Variants in NEK9 observed in about 807,000 individuals in gnomAD.
NEK9 encodes serine/threonine-protein kinase Nek9.
In NEK9, 75 loss-of-function variants were observed where a neutral mutation model predicts 123.4. The observed-to-expected ratio is 0.61, with a 90% confidence interval of 0.50 to 0.74. The LOEUF (loss-of-function observed/expected upper bound fraction) is 0.74. Among genes scored for constraint, NEK9 ranks in the 30% least tolerant of loss-of-function variants. The probability of loss-of-function intolerance (pLI) is 0.00; values close to 1 mark genes in which losing one functional copy is unlikely to be tolerated. For missense variants in NEK9, 952 were observed against 1,214.4 expected (o/e 0.78, Z 3.21); for synonymous variants, 438 against 458.7 (o/e 0.95, Z 0.58).
At chr14:75,112,107 A>T (rs762735494) in intron 8 of NEK9, among the ~76,000 whole-genome samples, 22 of 152,204 alleles carry the variant, frequency 1.4e-4, no homozygotes, top group Non-Finnish European at 2.2e-4. Context: ...GAAGAACCAG[A>T]AAAGATTAAT....
rs1422529227 is a variant in NEK9, at chr14:75,101,666, C to T, written c.1831G>A (p.Ala611Thr). 4 of 1,609,174 alleles carry T rather than the reference C, an allele frequency of 2.5e-6. No individual in the cohort carries two copies. In the East Asian group the frequency reaches 8.9e-5, roughly 36 times the overall value. Residue 611 changes from alanine (A) to threonine (T), a missense_variant, in exon 15 of 22, where the codon GCT becomes ACT. This residue lies in a region of NEK9 where 698 missense variants were observed against 875.6 expected (regional missense o/e 0.80). Coordinates refer to ENST00000238616, the MANE Select transcript of NEK9 (RefSeq NM_033116.6). ...TTGTAAATCAACTTACCATCAATAG[C>T]AGCTGTGTGAGTCTTGCCTGGGGCA... Reference protein sequence around the residue: ...TIAPGKTHTAAIDERGRLLTF... With the variant: ...TIAPGKTHTATIDERGRLLTF...
At position 75,113,418 on chromosome 14, in the gene NEK9, T is replaced by C. The variant is rs758288208; in HGVS notation, c.874-15A>G. The C allele has an allele frequency of 6.2e-6, 10 of 1,603,656 alleles. No individual in the cohort carries two copies. Among genetic ancestry groups the C allele is most frequent in the Non-Finnish European group, 8.5e-6 (10 of 1,171,686 alleles). Reference sequence around the variant, plus strand: ...TGCTCAGGATCCTAAAAAGTAAAAATAGGGTTAGTTTTCACTTAATGGAAA... The same window carrying C: ...TGCTCAGGATCCTAAAAAGTAAAAACAGGGTTAGTTTTCACTTAATGGAAA... On this transcript the variant is annotated splice_polypyrimidine_tract_variant and intron_variant, in intron 7 of 21. Coordinates refer to ENST00000238616, the MANE Select transcript of NEK9 (RefSeq NM_033116.6).
At chr14:75,104,154 G>A (rs1405066672) in intron 13 of NEK9, among the ~76,000 whole-genome samples, 157 bp from the exon 14 acceptor site, 2 of 148,958 alleles carry the variant, frequency 1.3e-5, no homozygotes, top group African/African-American at 2.4e-5. Context: ...CAGTGTCTTA[G>A]AGACTACTTT....
chr14:75,106,878 T>C (rs1423202174), intron 11 of NEK9, among the ~76,000 whole-genome samples, 176 bp from the exon 12 acceptor site: 2 of 152,230 alleles, frequency 1.3e-5, no homozygotes, highest in Admixed American at 1.3e-4. Flanking sequence ...CAGAGAGTCA[T>C]GTGTACTACT....
intron 6 of NEK9, 78 bp downstream of exon 6, chr14:75,117,117 A>T (rs538289776): frequency 9.6e-6 from 14 of 1,465,672 alleles, no homozygotes; most frequent in Non-Finnish European, 1.3e-5. Flanking sequence ...GAAGCCTGGG[A>T]ATAGAGTTGA....
At chr14:75,090,088 C>T (rs1488312437) in intron 19 of NEK9, among the ~76,000 whole-genome samples, 1 of 152,080 alleles carries the variant, frequency 6.6e-6, no homozygotes, top group Non-Finnish European at 1.5e-5. Context: ...CCGCCTTGGC[C>T]TCCCAAAGAG....
At chr14:75,122,415 G>C (rs1895368066) in intron 2 of NEK9, among the ~76,000 whole-genome samples, 1 of 152,184 alleles carries the variant, frequency 6.6e-6, no homozygotes, top group Non-Finnish European at 1.5e-5. Flanking sequence ...TGTGCAATAA[G>C]ATGATTAACA....
intron 16 of NEK9, among the ~76,000 whole-genome samples, chr14:75,100,208 A>C (rs1229921388): frequency 1.5e-5 from 2 of 132,600 alleles, no homozygotes; most frequent in Non-Finnish European, 3.1e-5. Flanking sequence ...GCACTTTGGG[A>C]GGCCGAGGCA....
chr14:75,095,552 T>TA (rs1894355625), intron 17 of NEK9, 121 bp from the exon 18 acceptor site: 2 of 581,216 alleles, frequency 3.4e-6, no homozygotes, highest in East Asian at 2.7e-5. Context: ...AACTATAACT[T>TA]ACAGTTTTAG....
intron 18 of NEK9, among the ~76,000 whole-genome samples, chr14:75,094,048 CT>C (rs1275402413): frequency 1.3e-5 from 2 of 152,128 alleles, no homozygotes; most frequent in Non-Finnish European, 2.9e-5. Flanking sequence ...AAATACTGTT[CT>C]AGTAAAACAA....
rs768352494 is a variant in NEK9, at chr14:75,106,658, T to C, written c.1372A>G (p.Met458Val). The C allele has an allele frequency of 1.5e-5, 24 of 1,614,084 alleles. No homozygotes were observed. The highest frequency in any genetic ancestry group is 4.4e-5 in the South Asian group (4 of 91,088). ...GGGCCAGCAACTTTGTCCACCCCCA[T>C]GCAGCCATAATAATCTGATCCGAAG... ...YAFGSDYYGC[M>V]GVDKVAGPEV... Residue 458 changes from methionine (M) to valine (V), a missense_variant, in exon 12 of 22, where the codon ATG becomes GTG. By Grantham distance (21) the Met-to-Val change is conservative (BLOSUM62 1). Around this residue, in one of 4 missense-constraint regions of NEK9, gnomAD observed 698 missense variants for 875.6 expected, o/e 0.80. Transcript: ENST00000238616.
chr14:75,083,381 G>A lies in NEK9; in HGVS notation c.*1183C>T. On this transcript the variant is annotated 3_prime_UTR_variant, in exon 22 of 22. Coordinates refer to ENST00000238616, the MANE Select transcript of NEK9 (RefSeq NM_033116.6). ...GCTTGTTTCTATCTACAAAGACACA[G>A]TGAGTACAGGATTAGAAGTGAGCTC... 1.4e-5 allele frequency: 4 copies of A among 288,766 alleles called. No individual in the cohort carries two copies. Among genetic ancestry groups the A allele is most frequent in the East Asian group, 5.7e-5 (1 of 17,578 alleles). The allele number at this position is 288,766 out of a possible 1,614,324, so 17.9% of individuals were successfully genotyped here. A position where few individuals can be genotyped will look rare whatever the true frequency, so the allele number is the denominator to read the frequency against.
In NEK9 at chr14:75,126,834, G is replaced by C. The variant is rs1325879231; in HGVS notation, c.88C>G (p.Pro30Ala). 11 of 1,533,804 alleles carry C rather than the reference G, an allele frequency of 7.2e-6. No homozygotes were observed. Among genetic ancestry groups the C allele is most frequent in the Non-Finnish European group, 9.6e-6 (11 of 1,140,650 alleles). The change falls in exon 1 of 22, where the codon CCG becomes GCG. Residue 30 changes from proline (P) to alanine (A), a missense_variant. By Grantham distance (27) the Pro-to-Ala change is conservative. Transcript: ENST00000238616. ...SESGGCGDSSPGPSASQGPRA... is the reference protein window; with the variant it reads ...SESGGCGDSSAGPSASQGPRA... ...GGCCCCTGACTGGCGCTAGGCCCCG[G>C]ACTCGAGTCCCCGCAACCCCCGGAC...
At chr14:75,103,034 G>A (rs1359729192) in intron 14 of NEK9, among the ~76,000 whole-genome samples, 1 of 151,878 alleles carries the variant, frequency 6.6e-6, no homozygotes, top group Non-Finnish European at 1.5e-5. Flanking sequence ...CACACACCGG[G>A]GCCTGTCATA....
chr14:75,106,816 A>C, intron 11 of NEK9, 114 bp from the exon 12 acceptor site: 1 of 747,088 alleles, frequency 1.3e-6, no homozygotes, highest in Non-Finnish European at 2.2e-6. Flanking sequence ...ACATGAATTG[A>C]TTATATCCAA....
At chr14:75,093,307 A>C (rs1277921302) in intron 18 of NEK9, among the ~76,000 whole-genome samples, 1 of 152,166 alleles carries the variant, frequency 6.6e-6, no homozygotes, top group South Asian at 2.1e-4. Flanking sequence ...AGCATTACCT[A>C]TATCACTGTA....
chr14:75,101,251 T>C (rs1021321960), intron 15 of NEK9, 98 bp from the exon 16 acceptor site: 13 of 1,283,252 alleles, frequency 1.0e-5, no homozygotes, highest in Non-Finnish European at 1.4e-5. Context: ...TTCCGGTTGT[T>C]AGAATATACA....
At chr14:75,104,488 C>T (rs1594837104) in intron 13 of NEK9, among the ~76,000 whole-genome samples, 1 of 142,398 alleles carries the variant, frequency 7.0e-6, no homozygotes, top group South Asian at 2.2e-4. Context: ...TTCTTTTCTT[C>T]TTTTTTTTTT....
chr14:75,108,781 C>T (rs1323443184), intron 10 of NEK9, among the ~76,000 whole-genome samples: 2 of 152,096 alleles, frequency 1.3e-5, no homozygotes, highest in African/African-American at 2.4e-5. Context: ...TCTCAAACTC[C>T]TGGCCTCAAA....
Sources: allele counts gnomAD v4.1 joint callset (sites outside exome capture counted in the v4.1 genomes callset), GRCh38; gene constraint gnomAD v4.1.1; regional missense constraint gnomAD v4.1.1; transcripts MANE v1.5; gene names NCBI Gene and HGNC (gene_info 2026-07-23, HGNC 2026-07-21).